GHR: variants seen among roughly 807,000 people sequenced by gnomAD.
The protein encoded by GHR is growth hormone receptor, also known as GH receptor.
GHR carries 35 observed loss-of-function variants against 67.1 expected under a neutral mutation model. That is an observed-to-expected ratio of 0.52 (90% CI 0.40 to 0.69). GHR has a LOEUF of 0.69. GHR is among the 30% of genes least tolerant of loss of function. The pLI is 0.00. For synonymous variants in GHR, 272 were observed against 269.1 expected (o/e 1.01, Z -0.10); for missense variants, 792 against 764.6 (o/e 1.04, Z -0.42).
At chr5:42,440,588 T>C (rs545776072) in intron 1 of GHR, among the ~76,000 whole-genome samples, 6 of 152,184 alleles carry the variant, frequency 3.9e-5, no homozygotes, top group Middle Eastern at 3.4e-3. Flanking sequence ...TAGAAAACCA[T>C]TGAAGGGTTT....
chr5:42,492,625 T>G (rs967992321), intron 1 of GHR, among the ~76,000 whole-genome samples: 3 of 152,240 alleles, frequency 2.0e-5, no homozygotes, highest in African/African-American at 7.2e-5. Context: ...TAGTGGTAGA[T>G]TCTGAACTAA....
chr5:42,653,061 T>C (rs531563731), intron 3 of GHR, among the ~76,000 whole-genome samples: 31 of 152,218 alleles, frequency 2.0e-4, no homozygotes, highest in African/African-American at 6.7e-4. Context: ...GTTAGGAGAA[T>C]TGAGCAAGAC....
At chr5:42,681,751 A>G (rs1454389185) in intron 3 of GHR, among the ~76,000 whole-genome samples, 1 of 152,110 alleles carries the variant, frequency 6.6e-6, no homozygotes, top group Non-Finnish European at 1.5e-5. Context: ...CCTGGCTAAC[A>G]TGGTGAAACC....
intron 1 of GHR, among the ~76,000 whole-genome samples, chr5:42,513,142 A>G (rs971795086): frequency 3.9e-5 from 6 of 152,232 alleles, no homozygotes; most frequent in Admixed American, 1.3e-4. Flanking sequence ...ATCTCAGTTG[A>G]TTGAGCAAAA....
chr5:42,543,406 A>T (rs1561109629), intron 1 of GHR, among the ~76,000 whole-genome samples: 1 of 152,090 alleles, frequency 6.6e-6, no homozygotes, highest in Non-Finnish European at 1.5e-5. Flanking sequence ...TCCTTTAGGT[A>T]TTATTTAATG....
chr5:42,695,833 T>C (rs2111711190), intron 5 of GHR, among the ~76,000 whole-genome samples: 1 of 152,324 alleles, frequency 6.6e-6, no homozygotes, highest in Admixed American at 6.5e-5. Context: ...CAAAAGCTCA[T>C]TTGTTGCTTA....
At chr5:42,626,581 G>A (rs897267616) in intron 2 of GHR, among the ~76,000 whole-genome samples, 1 of 152,124 alleles carries the variant, frequency 6.6e-6, no homozygotes, top group Non-Finnish European at 1.5e-5. Context: ...CCTTCCTGAG[G>A]TTGGAGAGTG....
At chr5:42,707,299 C>A (rs1266862039) in intron 6 of GHR, among the ~76,000 whole-genome samples, 1 of 151,692 alleles carries the variant, frequency 6.6e-6, no homozygotes, top group African/African-American at 2.4e-5. Context: ...ATTATTGTAC[C>A]TAGTATTATT....
intron 2 of GHR, among the ~76,000 whole-genome samples, chr5:42,605,358 G>A (rs375769625): frequency 1.3e-5 from 2 of 151,850 alleles, no homozygotes; most frequent in East Asian, 1.9e-4. Flanking sequence ...CGTCTGCCTC[G>A]ACCTCCCAAA....
At chr5:42,565,966 C>A (rs1441970783) in intron 2 of GHR, 22 bp downstream of exon 2, 6 of 1,613,604 alleles carry the variant, frequency 3.7e-6, no homozygotes, top group Non-Finnish European at 5.1e-6. Flanking sequence ...TTTTCCATTT[C>A]CACCCTCAGT....
chr5:42,635,813 A>AT (rs1754150060), intron 3 of GHR, among the ~76,000 whole-genome samples: 1 of 152,208 alleles, frequency 6.6e-6, no homozygotes. Flanking sequence ...TTGTAAACAT[A>AT]TACTGAGGTC....
chr5:42,504,601 A>T (rs1334566473), intron 1 of GHR, among the ~76,000 whole-genome samples: 4 of 152,080 alleles, frequency 2.6e-5, no homozygotes, highest in Non-Finnish European at 5.9e-5. Flanking sequence ...TCTACTAAAA[A>T]TACAAAAATT....
chr5:42,563,785 G>A (rs894724472), intron 1 of GHR, among the ~76,000 whole-genome samples: 43 of 152,126 alleles, frequency 2.8e-4, no homozygotes, highest in African/African-American at 9.9e-4. Flanking sequence ...TCCAGGCTGG[G>A]CAACAGAGTG....
chr5:42,671,127 C>G (rs1756271190), intron 3 of GHR, among the ~76,000 whole-genome samples: 1 of 151,964 alleles, frequency 6.6e-6, no homozygotes, highest in Non-Finnish European at 1.5e-5. Context: ...AAAAAATACC[C>G]AAGACTGAGT....
chr5:42,631,006 TG>T (rs1753901907), intron 3 of GHR, among the ~76,000 whole-genome samples: 1 of 150,690 alleles, frequency 6.6e-6, no homozygotes, highest in African/African-American at 2.5e-5. Flanking sequence ...GTGGGGCCTT[TG>T]CCCAGGAACT....
Position 42,526,781 on chromosome 5 carries a change from A to C in GHR, c.-11-39083A>C, listed in dbSNP as rs111257121. Among the ~76,000 whole-genome samples, 1,416 of 152,292 alleles carry C rather than the reference A, an allele frequency of 9.3e-3. 28 individuals are homozygous for C. Among genetic ancestry groups the C allele is most frequent in the African/African-American group, 0.033 (1,357 of 41,556 alleles). On this transcript the variant is annotated intron_variant, in intron 1 of 9. Transcript: ENST00000230882. ...AAGATCATACCCCAGACACATAATC[A>C]TCAGATTTTCCAAGGTCAAAATAAA... is the stretch of plus-strand genomic sequence containing the variant.
intron 1 of GHR, among the ~76,000 whole-genome samples, chr5:42,444,578 G>A (rs946519868): frequency 1.3e-5 from 2 of 151,978 alleles, no homozygotes; most frequent in Non-Finnish European, 2.9e-5. Flanking sequence ...TATTGCCTGG[G>A]GACTGATTTT....
chr5:42,502,612 C>T (rs1746585652), intron 1 of GHR, among the ~76,000 whole-genome samples: 1 of 151,814 alleles, frequency 6.6e-6, no homozygotes, highest in Non-Finnish European at 1.5e-5. Flanking sequence ...CACGCTCTCT[C>T]TCATACCCTC....
intron 3 of GHR, among the ~76,000 whole-genome samples, chr5:42,633,892 G>C (rs1206907662): frequency 2.0e-5 from 3 of 152,060 alleles, no homozygotes; most frequent in Admixed American, 2.0e-4. Context: ...ATCCTTCATA[G>C]ATTTTGTCCT....
Sources: gnomAD v4.1 joint callset for allele counts (sites outside exome capture counted in the v4.1 genomes callset) on GRCh38, gnomAD v4.1.1 for gene constraint, MANE v1.5 for transcripts, NCBI Gene and HGNC (gene_info 2026-07-23, HGNC 2026-07-21) for gene names.